Variants in DSG3 observed in about 807,000 individuals in gnomAD.
DSG3 encodes the protein desmoglein 3.
Under a neutral mutation model 85.9 loss-of-function variants are expected in DSG3, and 63 were observed. The observed-to-expected ratio is 0.73, with a 90% CI of 0.60 to 0.90. The LOEUF (loss-of-function observed/expected upper bound fraction) is 0.90. Ranked by LOEUF, DSG3 falls within the 40% of genes least tolerant of loss-of-function variation. DSG3 has a pLI of 0.00. For synonymous variants in DSG3, 447 were observed against 441.9 expected (o/e 1.01, Z -0.14); for missense variants, 1,220 against 1,219.9 (o/e 1.00, Z 0.00).
At chr18:31,473,779 T>C (rs1241114752) in intron 14 of DSG3, among the ~76,000 whole-genome samples, 5 of 152,232 alleles carry the variant, frequency 3.3e-5, no homozygotes, top group African/African-American at 7.2e-5. Flanking sequence ...TTAACTATAA[T>C]GTTTTTTCGT....
chr18:31,459,162 G>T lies in DSG3; in HGVS notation c.502G>T (p.Glu168Ter). 1.2e-6 allele frequency: 2 copies of T among 1,611,934 alleles called. No homozygotes were observed. The highest frequency in any genetic ancestry group is 1.1e-5 in the South Asian group (1 of 90,712). ...ACAAATTTTCATGGGTGAAATTGAA[G>T]AAAATAGTGCCTCAAGTAAGTCTTT... is the stretch of plus-strand genomic sequence containing the variant. ...SQQIFMGEIEENSASNSLVMI... is the reference protein window; with the variant it reads ...SQQIFMGEIE Residue 168 changes from glutamate (E) to a stop codon, truncating the protein, a stop_gained, in exon 5 of 16, where the codon GAA (glutamate) becomes TAA (stop). Coordinates refer to ENST00000257189, the MANE Select transcript of DSG3 (RefSeq NM_001944.3). LOFTEE classifies it high-confidence loss of function.
chr18:31,450,489 G>A (rs1160057563), intron 1 of DSG3, among the ~76,000 whole-genome samples: 1 of 152,132 alleles, frequency 6.6e-6, no homozygotes, highest in Non-Finnish European at 1.5e-5. Flanking sequence ...GTCATGGGGG[G>A]GAAAAGCAAT....
At chr18:31,461,034 C>A in intron 7 of DSG3, 73 bp downstream of exon 7, 1 of 1,430,674 alleles carries the variant, frequency 7.0e-7, no homozygotes, top group South Asian at 1.5e-5. Context: ...CAGGACTTGC[C>A]TGTTTGTTGG....
chr18:31,459,744 A>G (rs1404815322), intron 5 of DSG3, 101 bp from the exon 6 acceptor site: 4 of 1,170,520 alleles, frequency 3.4e-6, no homozygotes, highest in Non-Finnish European at 3.6e-6. Context: ...ATTTTAGGAT[A>G]TTTAAAAATT....
At chr18:31,452,917 T>C (rs544948719) in intron 1 of DSG3, among the ~76,000 whole-genome samples, 167 of 152,288 alleles carry the variant, frequency 1.1e-3, no homozygotes, top group African/African-American at 3.8e-3. Flanking sequence ...CATTCTGTCA[T>C]GATACAAGGC....
chr18:31,467,339 T>A (rs1471306332), intron 11 of DSG3, among the ~76,000 whole-genome samples: 2 of 151,132 alleles, frequency 1.3e-5, no homozygotes, highest in African/African-American at 2.4e-5. Context: ...GAAAACTCCA[T>A]CTAAAAAAAA....
rs2072781720 is a variant in DSG3, at chr18:31,461,023, T to G, written c.813+62T>G. On this transcript the variant is annotated intron_variant, in intron 7 of 15. Coordinates refer to ENST00000257189, the MANE Select transcript of DSG3 (RefSeq NM_001944.3). ...ATATTTAATACTTTGAAATCCTAATTCAGGACTTGCCTGTTTGTTGGCTTT... is the reference window on the plus strand; with the variant it reads ...ATATTTAATACTTTGAAATCCTAATGCAGGACTTGCCTGTTTGTTGGCTTT... 2.0e-6 allele frequency: 3 copies of G among 1,471,686 alleles called. No homozygotes were observed. The African/African-American group carries it at 4.3e-5, about 21-fold the overall frequency. 91.2% of individuals were successfully genotyped at this position (1,471,686 alleles called of 1,614,324 possible).
intron 5 of DSG3, 125 bp from the exon 6 acceptor site, chr18:31,459,720 T>C: frequency 1.1e-6 from 1 of 946,092 alleles, no homozygotes; most frequent in South Asian, 1.9e-5. Flanking sequence ...TACAATTTTT[T>C]GAACATACAG....
At chr18:31,455,021 CAAA>C (rs541940386) in intron 1 of DSG3, among the ~76,000 whole-genome samples, 9 of 94,028 alleles carry the variant, frequency 9.6e-5, no homozygotes, top group Admixed American at 2.4e-4. Context: ...AACTCCGTCT[CAAA>C]AAAAAAAAAA....
At chr18:31,459,264 T>A (rs965419504) in intron 5 of DSG3, 87 bp downstream of exon 5, 3 of 1,252,078 alleles carry the variant, frequency 2.4e-6, no homozygotes, top group Non-Finnish European at 3.3e-6. Context: ...ATAAACTAAT[T>A]TATGCTCTTA....
Position 31,477,101 on chromosome 18 carries a change from G to T in DSG3, c.*841G>T, listed in dbSNP as rs2072894239. 6.6e-6 allele frequency: 1 copy of T among 152,086 alleles called. No individual in the cohort carries two copies. 9.4% of individuals were successfully genotyped at this position (152,086 alleles called of 1,614,324 possible). A position where few individuals can be genotyped will look rare whatever the true frequency, so the allele number is the denominator to read the frequency against. On this transcript the variant is annotated 3_prime_UTR_variant, in exon 16 of 16. Transcript: ENST00000257189. ...AGCCATATATGTGTCTTTTACTCAA[G>T]CTAAGGGGTATAAGCTTATGTGTTG...
In DSG3 at chr18:31,459,972, T is replaced by C. The variant is rs780685719; in HGVS notation, c.645T>C (p.Thr215=). 1.5e-5 allele frequency: 24 copies of C among 1,613,854 alleles called. No homozygotes were observed. The highest frequency in any genetic ancestry group is 2.2e-5 in the South Asian group (2 of 91,052). Residue 215 remains threonine (T), a synonymous_variant, in exon 6 of 16, where the codon ACT becomes ACC. Coordinates refer to ENST00000257189, the MANE Select transcript of DSG3 (RefSeq NM_001944.3). Reference sequence around the variant, plus strand: ...CCATGTTCCTCCTAAGCAGAAACACTGGGGAAGTCCGTACTTTGACCAATT... The same window carrying C: ...CCATGTTCCTCCTAAGCAGAAACACCGGGGAAGTCCGTACTTTGACCAATT... The part of the protein sequence containing the change: ...GTPMFLLSRN[T]GEVRTLTNSL...
rs192887931 is a variant in DSG3, at chr18:31,459,247, C to T, written c.517+70C>T. 4,642 of 1,391,050 alleles carry T rather than the reference C, an allele frequency of 3.3e-3. 12 individuals carry two copies. Among genetic ancestry groups the T allele is most frequent in the Non-Finnish European group, 3.8e-3 (3,859 of 1,024,742 alleles). The allele number at this position is 1,391,050 out of a possible 1,614,324, so 86.2% of individuals were successfully genotyped here. On this transcript the variant is annotated intron_variant, in intron 5 of 15. Coordinates refer to ENST00000257189, the MANE Select transcript of DSG3 (RefSeq NM_001944.3). ...AAATATGAGTCCCACTACAATATGTCATTCTTATAAACTAATTTATGCTCT... is the reference window on the plus strand; with the variant it reads ...AAATATGAGTCCCACTACAATATGTTATTCTTATAAACTAATTTATGCTCT...
chr18:31,475,013 TGAA>T (rs2072877887), intron 15 of DSG3, among the ~76,000 whole-genome samples: 1 of 151,972 alleles, frequency 6.6e-6, no homozygotes, highest in Admixed American at 6.6e-5. Context: ...CTAAAAAAGT[TGAA>T]GAACCACTGA....
At chr18:31,472,656 C>T in intron 13 of DSG3, 69 bp from the exon 14 acceptor site, 1 of 1,505,664 alleles carries the variant, frequency 6.6e-7, no homozygotes, top group Non-Finnish European at 9.2e-7. Context: ...TGCAAAGGGC[C>T]ACATGTCACT....
intron 3 of DSG3, among the ~76,000 whole-genome samples, chr18:31,457,576 TCTTTCTTTCTTC>T (rs1568086466): frequency 6.7e-5 from 5 of 74,564 alleles, no homozygotes; most frequent in African/African-American, 3.8e-4. Context: ...TTTCTTTCTT[TCTTTCTTTCTTC>T]TTTCTTTCTT....
rs771491176 is a variant in DSG3, at chr18:31,466,537, G to A, written c.1419G>A (p.Thr473=). ...AAAACATTGTTCTTACAGAATACAC[G>A]GGTAAAACTTCTACAGGCACGGTAT... ...TAEVLAIDEY[T]GKTSTGTVYV... is the part of the protein sequence containing the mutation. Residue 473 remains threonine, a synonymous_variant, in exon 11 of 16, where the codon ACG becomes ACA. Coordinates refer to ENST00000257189, the MANE Select transcript of DSG3 (RefSeq NM_001944.3). 9.2e-5 allele frequency: 148 copies of A among 1,613,732 alleles called. No individual in the cohort carries two copies. The highest frequency in any genetic ancestry group is 1.1e-4 in the East Asian group (5 of 44,888).
intron 1 of DSG3, among the ~76,000 whole-genome samples, chr18:31,453,426 A>G (rs2072723202): frequency 6.6e-6 from 1 of 152,180 alleles, no homozygotes; most frequent in African/African-American, 2.4e-5. Flanking sequence ...ACTAAAGAGC[A>G]GGTGCTATTA....
At chr18:31,470,186 G>A (rs1203486262) in intron 12 of DSG3, among the ~76,000 whole-genome samples, 1 of 151,952 alleles carries the variant, frequency 6.6e-6, no homozygotes, top group African/African-American at 2.4e-5. Flanking sequence ...AGAAATCCTT[G>A]CTAAATTCAC....
Sources: gnomAD v4.1 joint callset for allele counts (sites outside exome capture counted in the v4.1 genomes callset) on GRCh38, gnomAD v4.1.1 for gene constraint, MANE v1.5 for transcripts, NCBI Gene and HGNC (gene_info 2026-07-23, HGNC 2026-07-21) for gene names.